PREP: variants seen among roughly 807,000 people sequenced by gnomAD.
The protein encoded by PREP is dJ355L5.1 (prolyl endopeptidase).
In PREP, 29 loss-of-function variants were observed where a neutral mutation model predicts 87.6. The ratio of observed to expected loss-of-function variants is 0.33; its 90% CI spans 0.25 to 0.45. PREP has a LOEUF of 0.45. PREP is among the 20% of genes least tolerant of loss of function. The pLI is 1.00. For synonymous variants in PREP, 337 were observed against 328.6 expected, an observed-to-expected ratio of 1.03 and a Z score of -0.28; for missense variants, 695 against 886.5, an observed-to-expected ratio of 0.78 and a Z score of 2.74.
chr6:105,278,519 A>G lies in PREP; in HGVS notation c.1839-81T>C. On this transcript the variant is annotated intron_variant, in intron 14 of 14. Coordinates refer to ENST00000652536, the MANE Select transcript of PREP (RefSeq NM_002726.5). The surrounding 1 kb of genome is among the most constrained non-coding windows in gnomAD (Gnocchi z 4.2). The stretch of plus-strand genomic sequence containing the variant: ...ACAGGGACCTAGGTAGTTAATTAGC[A>G]GTGAGGACTGCAGTTAACTAGTACG... The G allele has an allele frequency of 3.6e-6, 5 of 1,398,482 alleles. No individual in the cohort carries two copies. The highest frequency in any genetic ancestry group is 4.9e-6 in the Non-Finnish European group (5 of 1,013,778). 86.6% of individuals were successfully genotyped at this position (1,398,482 alleles called of 1,614,324 possible). A position where few individuals can be genotyped will look rare whatever the true frequency, so the allele number is the denominator to read the frequency against.
rs1430793285 is a variant in PREP at position 105,394,640 on chromosome 6, G to A, written c.120+3213C>T. Among the ~76,000 whole-genome samples, 3 of 152,204 alleles carry A rather than the reference G, an allele frequency of 2.0e-5. No homozygotes were observed. In the Middle Eastern group the frequency reaches 0.01, roughly 518 times the overall value. On this transcript the variant is annotated intron_variant, in intron 2 of 14. Coordinates refer to ENST00000652536, the MANE Select transcript of PREP (RefSeq NM_002726.5). The stretch of plus-strand genomic sequence containing the variant: ...CTAGGTACAAAATAAATATAAAATC[G>A]GTAGCAGTAGCTAGTTTAGCCAGGC...
intron 2 of PREP, among the ~76,000 whole-genome samples, chr6:105,381,688 A>T (rs1772842252): frequency 6.6e-6 from 1 of 152,164 alleles, no homozygotes; most frequent in Admixed American, 6.5e-5. Flanking sequence ...AGCAAAGAGT[A>T]GCTGCTCAAA....
At chr6:105,294,583 T>G (rs541195048) in intron 10 of PREP, among the ~76,000 whole-genome samples, 1 of 152,328 alleles carries the variant, frequency 6.6e-6, no homozygotes, top group South Asian at 2.1e-4. Flanking sequence ...GTGTCTATTA[T>G]GTGCCAGGGA....
chr6:105,371,500 C>CAAAAAAAAAAAAAAAAA (rs528772896), intron 5 of PREP, among the ~76,000 whole-genome samples: 8 of 44,796 alleles, frequency 1.8e-4, no homozygotes, highest in African/African-American at 4.4e-4. Context: ...GATTCCATCT[C>CAAAAAAAAAAAAAAAAA]AAAAAAAAAA....
intron 7 of PREP, among the ~76,000 whole-genome samples, chr6:105,351,145 G>A (rs1020069555): frequency 8.5e-5 from 13 of 152,186 alleles, no homozygotes; most frequent in African/African-American, 3.1e-4. Context: ...AAATATAGGT[G>A]TTGCTGTGAA....
intron 6 of PREP, 26 bp from the exon 7 acceptor site, chr6:105,353,103 G>C (rs1158628445): frequency 3.3e-6 from 5 of 1,513,340 alleles, no homozygotes; most frequent in Non-Finnish European, 4.6e-6. Flanking sequence ...AAATAGTGCA[G>C]GGGACTAATT....
intron 7 of PREP, among the ~76,000 whole-genome samples, chr6:105,344,473 T>C (rs145187731): frequency 0.13 from 18,579 of 143,452 alleles, 1,958 homozygotes; most frequent in African/African-American, 0.3. Context: ...GCCTGGGAGA[T>C]AGAGTGAGAC....
intron 9 of PREP, 34 bp from the exon 10 acceptor site, chr6:105,323,802 G>T (rs776853397): frequency 6.5e-7 from 1 of 1,530,058 alleles, no homozygotes; most frequent in Non-Finnish European, 9.0e-7. Context: ...TTTAGTCTAC[G>T]GGACTCACTA....
At chr6:105,301,988 G>A (rs1299222467) in intron 10 of PREP, among the ~76,000 whole-genome samples, 2 of 152,228 alleles carry the variant, frequency 1.3e-5, no homozygotes, top group Non-Finnish European at 2.9e-5. Flanking sequence ...GCACTTTGAT[G>A]AGTTTATTTG....
At position 105,281,693 on chromosome 6, in the gene PREP, G is replaced by A. The variant is rs553233612; in HGVS notation, c.1838+53C>T. ...CAAGCACTAATCCTGCTGTGACTGT[G>A]TTCAACTTTATATCAAACCACTAAC... On this transcript the variant is annotated intron_variant, in intron 14 of 14. Transcript: ENST00000652536. 1.9e-3 allele frequency: 2,927 copies of A among 1,577,486 alleles called. 11 individuals carry two copies. Among genetic ancestry groups the A allele is most frequent in the Middle Eastern group, 8.5e-3 (50 of 5,874 alleles).
At chr6:105,347,736 G>C (rs2114677335) in intron 7 of PREP, among the ~76,000 whole-genome samples, 1 of 152,244 alleles carries the variant, frequency 6.6e-6, no homozygotes, top group Admixed American at 6.5e-5. Flanking sequence ...AATAAGGCCA[G>C]ACACAGTGGC....
intron 13 of PREP, 144 bp downstream of exon 13, chr6:105,282,306 CA>C (rs2114611009): frequency 9.8e-7 from 1 of 1,017,050 alleles, no homozygotes; most frequent in East Asian, 2.5e-5. Context: ...TACCCAAATA[CA>C]AATGGTACAA....
intron 8 of PREP, among the ~76,000 whole-genome samples, chr6:105,331,204 A>G (rs1477182121): frequency 1.3e-5 from 2 of 152,164 alleles, no homozygotes; most frequent in Non-Finnish European, 2.9e-5. Flanking sequence ...TTCAAATTCA[A>G]CCATGCTTCT....
intron 6 of PREP, among the ~76,000 whole-genome samples, chr6:105,359,123 G>A (rs770322220): frequency 6.6e-6 from 1 of 152,266 alleles, no homozygotes; most frequent in South Asian, 2.1e-4. Context: ...CACAGCTGGG[G>A]TGTGTATTCC....
chr6:105,296,314 T>C (rs753480174), intron 10 of PREP, among the ~76,000 whole-genome samples: 21 of 152,216 alleles, frequency 1.4e-4, no homozygotes, highest in Non-Finnish European at 2.6e-4. Context: ...TACAGAAATT[T>C]ATCTTACATT....
Position 105,313,213 on chromosome 6 carries a change from G to GT in PREP, c.1317+10451dup, listed in dbSNP as rs369152148. Among the ~76,000 whole-genome samples, 1,147 of 152,200 alleles carry GT rather than the reference G, an allele frequency of 7.5e-3. 15 individuals carry two copies. Among genetic ancestry groups the GT allele is most frequent in the African/African-American group, 0.026 (1,094 of 41,528 alleles). On this transcript the variant is annotated intron_variant, in intron 10 of 14. Transcript: ENST00000652536. ...ACCAATGACAGTAATGCCAGTAATG[G>GT]TTTTTCCTTTAGGGAGATAATGGAA... is the stretch of plus-strand genomic sequence containing the variant.
intron 14 of PREP, chr6:105,279,206 T>C (rs1204780401): frequency 6.6e-6 from 1 of 152,228 alleles, no homozygotes; most frequent in Non-Finnish European, 1.5e-5. Flanking sequence ...TTTCAATGTA[T>C]TTAATATTTA....
chr6:105,334,820 A>G (rs1771439164), intron 7 of PREP, among the ~76,000 whole-genome samples: 1 of 151,890 alleles, frequency 6.6e-6, no homozygotes, highest in South Asian at 2.1e-4. Context: ...GCAACCTCCA[A>G]CTCCTGGGCC....
At position 105,368,988 on chromosome 6, in the gene PREP, T is replaced by A; in HGVS notation, c.632A>T (p.Tyr211Phe). ...ETSTNLHQKL[Y>F]YHVLGTDQSE... ...CTGATCGGTTCCCAAGACATGGTAG[T>A]AGAGCTTTTGGTGGAGATTGGTAGA... The change falls in exon 6 of 15, where the codon TAC (tyrosine) becomes TTC (phenylalanine). Residue 211 changes from tyrosine to phenylalanine, a missense_variant. Tyr to Phe is a conservative substitution (Grantham distance 22). Transcript: ENST00000652536. The A allele has an allele frequency of 6.2e-7, 1 of 1,613,994 alleles. No homozygotes were observed. The highest frequency in any genetic ancestry group is 8.5e-7 in the Non-Finnish European group (1 of 1,179,916).
Sources: gnomAD v4.1 joint callset for allele counts (sites outside exome capture counted in the v4.1 genomes callset) on GRCh38, gnomAD v4.1.1 for gene constraint, Gnocchi (gnomAD v3.1) non-coding constraint, MANE v1.5 for transcripts, NCBI Gene and HGNC (gene_info 2026-07-23, HGNC 2026-07-21) for gene names.